Variants in AGBL1 observed in about 807,000 individuals in gnomAD.
The protein encoded by AGBL1 is cytosolic carboxypeptidase 4.
AGBL1 carries 130 observed loss-of-function variants against 118.9 expected under a neutral mutation model. The observed-to-expected ratio is 1.09, with a 90% confidence interval of 0.95 to 1.26. The LOEUF is 1.26. Ranked by LOEUF, AGBL1 falls within the 50% of genes most tolerant of loss-of-function variation. The pLI, the probability that AGBL1 is intolerant of heterozygous loss-of-function variation, is 0.00. For missense variants in AGBL1, 1,584 were observed against 1,298.1 expected, an observed-to-expected ratio of 1.22 and a Z score of -3.38; for synonymous variants, 555 against 478.9, an observed-to-expected ratio of 1.16 and a Z score of -2.08.
At chr15:86,387,465 G>A (rs2081214265) in intron 17 of AGBL1, among the ~76,000 whole-genome samples, 1 of 152,100 alleles carries the variant, frequency 6.6e-6, no homozygotes, top group African/African-American at 2.4e-5. Flanking sequence ...ATATGCTGCT[G>A]TGTGGCTGGA....
rs190399969 is a variant in AGBL1, at chr15:86,560,124, T to C, written c.2994+5587T>C. On this transcript the variant is annotated intron_variant, in intron 21 of 22. Coordinates refer to ENST00000614907, the MANE Select transcript of AGBL1 (RefSeq NM_001386094.1). Reference sequence around the variant, plus strand: ...TGAAGCCCTTAAAAATTTTATGCAATTTTTCTTTTTTTTCTTGTACTTTTT... The same window carrying C: ...TGAAGCCCTTAAAAATTTTATGCAACTTTTCTTTTTTTTCTTGTACTTTTT... 1.1e-4 allele frequency among the ~76,000 whole-genome samples: 16 copies of C among 151,486 alleles called. No homozygotes were observed. In the East Asian group the frequency reaches 2.9e-3, roughly 28 times the overall value.
At chr15:86,946,369 A>C (rs2080821219) in intron 23 of AGBL1, 1 of 150,812 alleles carries the variant, frequency 6.6e-6, no homozygotes, top group Admixed American at 6.6e-5. Context: ...GCTTAAGGAT[A>C]TAACATTTAG....
intron 18 of AGBL1, among the ~76,000 whole-genome samples, chr15:86,466,258 T>C (rs1182682309): frequency 6.6e-6 from 1 of 152,208 alleles, no homozygotes; most frequent in Non-Finnish European, 1.5e-5. Flanking sequence ...CAGTCTCTGA[T>C]ATTCTTTCTT....
chr15:86,704,387 A>G (rs1184408533), intron 22 of AGBL1, among the ~76,000 whole-genome samples: 2 of 152,204 alleles, frequency 1.3e-5, no homozygotes, highest in East Asian at 1.9e-4. Context: ...CAATCTACCC[A>G]TCAGACAAAG....
chr15:86,595,465 G>T (rs376986220), intron 21 of AGBL1, among the ~76,000 whole-genome samples: 3 of 152,064 alleles, frequency 2.0e-5, no homozygotes, highest in South Asian at 2.1e-4. Flanking sequence ...TGAATTTCTT[G>T]CTCTCTTATA....
At chr15:86,691,538 A>G (rs2086171753) in intron 22 of AGBL1, among the ~76,000 whole-genome samples, 1 of 152,144 alleles carries the variant, frequency 6.6e-6, no homozygotes, top group African/African-American at 2.4e-5. Flanking sequence ...AAAGCCTTGT[A>G]AAATGCTCCC....
At chr15:86,596,172 T>A (rs555938964) in intron 21 of AGBL1, among the ~76,000 whole-genome samples, 1 of 152,012 alleles carries the variant, frequency 6.6e-6, no homozygotes, top group Non-Finnish European at 1.5e-5. Flanking sequence ...GCTGGACATG[T>A]TGGCGTGTGC....
intron 22 of AGBL1, among the ~76,000 whole-genome samples, chr15:86,781,721 A>T (rs1567171358): frequency 6.6e-6 from 1 of 152,190 alleles, no homozygotes; most frequent in Non-Finnish European, 1.5e-5. Context: ...TGGTTAGGCT[A>T]CCAAAGACAA....
intron 22 of AGBL1, among the ~76,000 whole-genome samples, chr15:86,818,959 C>T (rs747373085): frequency 6.6e-6 from 1 of 152,046 alleles, no homozygotes; most frequent in Non-Finnish European, 1.5e-5. Flanking sequence ...GCCACAGTGC[C>T]TTTTAGTGCT....
intron 21 of AGBL1, chr15:86,556,405 G>T: frequency 1.2e-6 from 1 of 807,256 alleles, no homozygotes; most frequent in Non-Finnish European, 2.0e-6. Flanking sequence ...ACCTGGTTTT[G>T]GTTTAAGAAT....
chr15:86,607,460 A>G (rs180796619), intron 21 of AGBL1, among the ~76,000 whole-genome samples: 2 of 152,294 alleles, frequency 1.3e-5, no homozygotes, highest in Non-Finnish European at 2.9e-5. Context: ...ACTGTATCCT[A>G]TGGTAAGAGT....
At chr15:86,455,959 A>T (rs1450266007) in intron 18 of AGBL1, among the ~76,000 whole-genome samples, 1 of 152,228 alleles carries the variant, frequency 6.6e-6, no homozygotes, top group African/African-American at 2.4e-5. Flanking sequence ...TCCCCACAAC[A>T]CTAGTTTTTA....
At chr15:86,432,260 C>T (rs969544010) in intron 18 of AGBL1, among the ~76,000 whole-genome samples, 7 of 152,142 alleles carry the variant, frequency 4.6e-5, no homozygotes, top group African/African-American at 1.7e-4. Context: ...TTAGTTTTTA[C>T]CTAGGGTATT....
At chr15:86,751,295 T>C (rs1339896165) in intron 22 of AGBL1, among the ~76,000 whole-genome samples, 2 of 152,102 alleles carry the variant, frequency 1.3e-5, no homozygotes, top group Non-Finnish European at 2.9e-5. Context: ...TGTTATTTTT[T>C]GACTTTTTAA....
At chr15:86,424,680 A>T (rs2081841904) in intron 18 of AGBL1, among the ~76,000 whole-genome samples, 1 of 152,228 alleles carries the variant, frequency 6.6e-6, no homozygotes, top group Non-Finnish European at 1.5e-5. Flanking sequence ...AGGAACTTAA[A>T]CAAATTTACA....
At chr15:86,123,951 A>G (rs1346716527) in intron 1 of AGBL1, among the ~76,000 whole-genome samples, 2 of 152,340 alleles carry the variant, frequency 1.3e-5, no homozygotes, top group Middle Eastern at 3.4e-3. Flanking sequence ...ACCATATGCA[A>G]CATGGTAACT....
intron 23 of AGBL1, among the ~76,000 whole-genome samples, chr15:86,958,461 A>C (rs980994177): frequency 1.3e-5 from 2 of 152,134 alleles, no homozygotes; most frequent in Admixed American, 1.3e-4. Context: ...AAGAAAAAGA[A>C]ACATGAATCA....
intron 17 of AGBL1, among the ~76,000 whole-genome samples, chr15:86,330,313 C>T (rs1812154171): frequency 6.6e-6 from 1 of 152,096 alleles, no homozygotes; most frequent in South Asian, 2.1e-4. Context: ...CTGCATGGCC[C>T]AATATAAAAC....
intron 22 of AGBL1, among the ~76,000 whole-genome samples, chr15:86,780,546 C>T (rs542531120): frequency 6.6e-6 from 1 of 152,066 alleles, no homozygotes; most frequent in South Asian, 2.1e-4. Context: ...TTATTGGAAT[C>T]GCATTGAGTC....
Sources: allele counts gnomAD v4.1 joint callset (sites outside exome capture counted in the v4.1 genomes callset), GRCh38; gene constraint gnomAD v4.1.1; transcripts MANE v1.5; gene names NCBI Gene and HGNC (gene_info 2026-07-23, HGNC 2026-07-21).